The following SLC5A10 variants were observed in gnomAD, a reference collection of about 807,000 sequenced individuals.
The protein encoded by SLC5A10 is sodium/mannose cotransporter SLC5A10.
SLC5A10 carries 55 observed loss-of-function variants against 68.9 expected under a neutral mutation model. The ratio of observed to expected loss-of-function variants is 0.80; its 90% CI spans 0.64 to 1.00. The LOEUF is 1.00. SLC5A10 is among the 50% of genes least tolerant of loss of function. The pLI, the probability that SLC5A10 is intolerant of heterozygous loss-of-function variation, is 0.00. For synonymous variants in SLC5A10, 344 were observed against 344.8 expected (o/e 1.00, Z 0.02); for missense variants, 732 against 819.3 (o/e 0.89, Z 1.30).
intron 9 of SLC5A10, among the ~76,000 whole-genome samples, chr17:18,985,153 G>A (rs1348770476): frequency 6.6e-6 from 1 of 152,236 alleles, no homozygotes; most frequent in East Asian, 1.9e-4. Flanking sequence ...TCTCATGGCG[G>A]GGCTGTGCCT....
chr17:19,021,858 C>T lies in SLC5A10; in HGVS notation c.*1427C>T. 1 of 1,276,618 alleles carries T rather than the reference C, an allele frequency of 7.8e-7. No homozygotes were observed. 79.1% of individuals were successfully genotyped at this position (1,276,618 alleles called of 1,614,324 possible). On this transcript the variant is annotated 3_prime_UTR_variant, in exon 15 of 15. Coordinates refer to ENST00000395645, the MANE Select transcript of SLC5A10 (RefSeq NM_001042450.4). This position sits in a 1 kb window ranked among gnomAD's most constrained non-coding sequence, Gnocchi z 4.1. Reference sequence around the variant, plus strand: ...CCCACGTTCAGTCCAAGGCCGTCCACTGAGCCCCGTGTGACTCTGACAGAG... The same window carrying T: ...CCCACGTTCAGTCCAAGGCCGTCCATTGAGCCCCGTGTGACTCTGACAGAG...
intron 9 of SLC5A10, among the ~76,000 whole-genome samples, chr17:18,990,342 G>T (rs1004921946): frequency 4.6e-5 from 7 of 152,200 alleles, no homozygotes; most frequent in African/African-American, 1.7e-4. Context: ...GCAGGGGTGT[G>T]TGGTGGTAGC....
rs766925122 is a variant in SLC5A10 at position 18,971,612 on chromosome 17, C to A, written c.846+394C>A. 12 of 1,613,324 alleles carry A rather than the reference C, an allele frequency of 7.4e-6. No homozygotes were observed. The highest frequency in any genetic ancestry group is 2.7e-5 in the African/African-American group (2 of 74,910). On this transcript the variant is annotated intron_variant, in intron 8 of 14. Coordinates refer to ENST00000395645, the MANE Select transcript of SLC5A10 (RefSeq NM_001042450.4). The surrounding 1 kb of genome is among the most constrained non-coding windows in gnomAD (Gnocchi z 5.5). The stretch of plus-strand genomic sequence containing the variant: ...TCCCTTGGCCTGCCAGTGGTGGGGG[C>A]CAGCCATGGCTGGGCCAGCGTTTCT...
At chr17:18,963,506 C>T (rs952716888) in intron 5 of SLC5A10, among the ~76,000 whole-genome samples, 2 of 152,242 alleles carry the variant, frequency 1.3e-5, no homozygotes, top group Admixed American at 6.5e-5. Context: ...AAGCAGAGGG[C>T]GAAGCTTGAG....
intron 1 of SLC5A10, among the ~76,000 whole-genome samples, chr17:18,955,757 G>C (rs979863537): frequency 1.3e-5 from 2 of 152,226 alleles, no homozygotes; most frequent in Admixed American, 1.3e-4. Context: ...GCTGGAGAGA[G>C]GCAGGAGCCA....
At chr17:18,978,195 T>C (rs2043034351) in intron 9 of SLC5A10, 1 of 1,553,170 alleles carries the variant, frequency 6.4e-7, no homozygotes, top group Non-Finnish European at 8.7e-7. Flanking sequence ...GGGAGGCCGT[T>C]CTCAGCTGGG....
rs114050358 is a variant in SLC5A10, at chr17:18,966,309, A to G, written c.454-2743A>G. Among the ~76,000 whole-genome samples, 1,042 of 152,246 alleles carry G rather than the reference A, an allele frequency of 6.8e-3. 13 individuals carry two copies. Among genetic ancestry groups the G allele is most frequent in the African/African-American group, 0.024 (983 of 41,516 alleles). Reference sequence around the variant, plus strand: ...TCCGGCCCCATGGGTGGCAGCCTGGAGTGAGGTCCTGGTTCAGCCTGTGCC... The same window carrying G: ...TCCGGCCCCATGGGTGGCAGCCTGGGGTGAGGTCCTGGTTCAGCCTGTGCC... On this transcript the variant is annotated intron_variant, in intron 5 of 14. Transcript: ENST00000395645.
intron 13 of SLC5A10, 33 bp downstream of exon 13, chr17:19,019,961 TA>T (rs2044229665): frequency 6.4e-7 from 1 of 1,556,606 alleles, no homozygotes; most frequent in African/African-American, 1.4e-5. Flanking sequence ...CCCTGACCCC[TA>T]ACAATTTCTT....
intron 8 of SLC5A10, among the ~76,000 whole-genome samples, chr17:18,974,416 C>G (rs146581646): frequency 3.9e-5 from 6 of 152,262 alleles, no homozygotes; most frequent in African/African-American, 7.2e-5. Flanking sequence ...GAGCCCTGGT[C>G]TGGGCTCCCG....
chr17:18,957,819 C>T (rs7207513), intron 1 of SLC5A10, among the ~76,000 whole-genome samples: 8,798 of 152,246 alleles, frequency 0.058, 843 homozygotes, highest in African/African-American at 0.2. Context: ...TGCAATGCTG[C>T]GCAACCATTA....
At position 18,971,097 on chromosome 17, in the gene SLC5A10, G is replaced by A. The variant is rs778951272; in HGVS notation, c.725G>A (p.Cys242Tyr). Residue 242 changes from cysteine (C) to tyrosine (Y), a missense_variant, in exon 8 of 15, where the codon TGC becomes TAC. By Grantham distance (194) the Cys-to-Tyr change is radical. Coordinates refer to ENST00000395645, the MANE Select transcript of SLC5A10 (RefSeq NM_001042450.4). The surrounding 1 kb of genome is among the most constrained non-coding windows in gnomAD (Gnocchi z 5.5). Reference protein sequence around the residue: ...IPSRTIANTTCHLPRTDAMHM... With the variant: ...IPSRTIANTTYHLPRTDAMHM... The stretch of plus-strand genomic sequence containing the variant: ...TCCAGGACCATTGCCAACACCACCT[G>A]CCACCTGCCACGTACAGACGCCATG... 3 of 1,614,040 alleles carry A rather than the reference G, an allele frequency of 1.9e-6. No individual in the cohort carries two copies. The highest frequency in any genetic ancestry group is 4.5e-5 in the East Asian group (2 of 44,874).
At chr17:18,982,210 A>T (rs900540428) in intron 9 of SLC5A10, among the ~76,000 whole-genome samples, 14 of 152,126 alleles carry the variant, frequency 9.2e-5, no homozygotes, top group Admixed American at 2.0e-4. Context: ...AGTCTCCCTT[A>T]GCACACAGCA....
intron 9 of SLC5A10, among the ~76,000 whole-genome samples, chr17:19,012,232 C>A (rs934130465): frequency 1.3e-5 from 2 of 152,244 alleles, no homozygotes; most frequent in Admixed American, 1.3e-4. Context: ...ACTGCTAACA[C>A]CAGCAAATCT....
In SLC5A10 at chr17:19,013,469, TGC is replaced by T; in HGVS notation, c.1043_1044del (p.Cys348PhefsTer196). 1.9e-6 allele frequency: 3 copies of T among 1,603,490 alleles called. No individual in the cohort carries two copies. Among genetic ancestry groups the T allele is most frequent in the South Asian group, 1.1e-5 (1 of 89,954 alleles). On this transcript the variant is annotated frameshift_variant, in exon 10 of 15. Transcript: ENST00000395645. LOFTEE classifies it high-confidence loss of function. ...GCGGGCCTGCGGGGCCGAGGTCGGCTGCTCCAACATCGCCTACCCCAAGCTGG... is the reference window on the plus strand; with the variant it reads ...GCGGGCCTGCGGGGCCGAGGTCGGCTTCCAACATCGCCTACCCCAAGCTGG... The part of the protein sequence containing the change: ...CLRACGAEVG[C>X]SNIAYPKLVM...
At chr17:18,995,285 A>G (rs2043536042) in intron 9 of SLC5A10, among the ~76,000 whole-genome samples, 1 of 152,242 alleles carries the variant, frequency 6.6e-6, no homozygotes, top group African/African-American at 2.4e-5. Flanking sequence ...GAGATGTGGA[A>G]GCTTTTTTTT....
intron 9 of SLC5A10, chr17:18,979,334 G>A: frequency 1.6e-6 from 1 of 632,658 alleles, no homozygotes; most frequent in Non-Finnish European, 2.6e-6. Context: ...CCAGGCCGGT[G>A]ACATCTCCAA....
At chr17:19,019,271 GT>G in intron 11 of SLC5A10, 151 bp from the exon 12 acceptor site, 2 of 912,630 alleles carry the variant, frequency 2.2e-6, no homozygotes, top group Non-Finnish European at 3.2e-6. Context: ...GACTGGCCAG[GT>G]CACTGGTGGT....
rs376145550 is a variant in SLC5A10 at position 19,005,839 on chromosome 17, G to A, written c.983-7571G>A. Among the ~76,000 whole-genome samples, 411 of 152,310 alleles carry A rather than the reference G, an allele frequency of 2.7e-3. 1 individual carries two copies. Among genetic ancestry groups the A allele is most frequent in the Non-Finnish European group, 4.8e-3 (327 of 68,028 alleles). ...GGGCTTTATGCTACTGAACATAGTG[G>A]CCCCTGGGGAACAGGCACACATATT... is the stretch of plus-strand genomic sequence containing the variant. On this transcript the variant is annotated intron_variant, in intron 9 of 14. Transcript: ENST00000395645.
chr17:18,957,922 C>T (rs1225806111), intron 1 of SLC5A10, among the ~76,000 whole-genome samples: 1 of 152,176 alleles, frequency 6.6e-6, no homozygotes, highest in Non-Finnish European at 1.5e-5. Flanking sequence ...AACTCATCTG[C>T]TTTCTGTCTC....
Sources: allele counts gnomAD v4.1 joint callset (sites outside exome capture counted in the v4.1 genomes callset), GRCh38; gene constraint gnomAD v4.1.1; non-coding constraint Gnocchi (gnomAD v3.1); transcripts MANE v1.5; gene names NCBI Gene and HGNC (gene_info 2026-07-23, HGNC 2026-07-21).